Variants in POGLUT2 observed in about 807,000 individuals in gnomAD.
POGLUT2 encodes protein O-glucosyltransferase 2, also known as ER protein 58.
POGLUT2 carries 47 observed loss-of-function variants against 57.6 expected under a neutral mutation model. The observed-to-expected ratio is 0.82, with a 90% CI of 0.65 to 1.04. The LOEUF is 1.04. POGLUT2 is among the 50% of genes least tolerant of loss of function. The pLI is 0.00. For synonymous variants in POGLUT2, 200 were observed against 218.8 expected (o/e 0.91, Z 0.76); for missense variants, 565 against 614.8 (o/e 0.92, Z 0.86).
chr13:102,793,470 T>A lies in POGLUT2; in HGVS notation c.595-52A>T, dbSNP rs576494656. 3.7e-6 allele frequency: 5 copies of A among 1,348,048 alleles called. No individual in the cohort carries two copies. The South Asian group carries it at 5.9e-5, about 16-fold the overall frequency. The allele number at this position is 1,348,048 out of a possible 1,614,324, so 83.5% of individuals were successfully genotyped here. A position where few individuals can be genotyped will look rare whatever the true frequency, so the allele number is the denominator to read the frequency against. Reference sequence around the variant, plus strand: ...GTTAGTCTAAAGACGCTGGCAGACTTCACTGAGGAAAAGCTTGTCACAGTG... The same window carrying A: ...GTTAGTCTAAAGACGCTGGCAGACTACACTGAGGAAAAGCTTGTCACAGTG... On this transcript the variant is annotated intron_variant, in intron 3 of 9. Transcript: ENST00000376004.
rs867471579 is a variant in POGLUT2 at position 102,789,155 on chromosome 13, C to T, written c.1150G>A (p.Asp384Asn). Residue 384 changes from aspartate (D) to asparagine (N), a missense_variant, in exon 7 of 10, where the codon GAC becomes AAC. Coordinates refer to ENST00000376004, the MANE Select transcript of POGLUT2 (RefSeq NM_024089.3). The stretch of plus-strand genomic sequence containing the variant: ...GAATCCTGCTTCAGCACAACACTGT[C>T]ACCAACTAGCAAATATGGCAGGCGA... ...AYRLPYLLVG[D>N]SVVLKQDSIY... 7 of 1,614,042 alleles carry T rather than the reference C, an allele frequency of 4.3e-6. No individual in the cohort carries two copies. In the African/African-American group the frequency reaches 6.7e-5, roughly 15 times the overall value.
In POGLUT2 at chr13:102,791,347, C is replaced by G; in HGVS notation, c.756G>C (p.Pro252=). 2 of 1,612,916 alleles carry G rather than the reference C, an allele frequency of 1.2e-6. No individual in the cohort carries two copies. Among genetic ancestry groups the G allele is most frequent in the Non-Finnish European group, 8.5e-7 (1 of 1,179,730 alleles). Residue 252 remains proline (P), a synonymous_variant, in exon 5 of 10, where the codon CCG becomes CCC. Coordinates refer to ENST00000376004, the MANE Select transcript of POGLUT2 (RefSeq NM_024089.3). The part of the protein sequence containing the change: ...EKKKSNSNIH[P]IFSWCGSTDS... ...CTGTGGAGCCACACCAGGAAAAGAT[C>G]GGATGGATGTTTGAATTGGATTTCT... is the stretch of plus-strand genomic sequence containing the variant.
intron 9 of POGLUT2, among the ~76,000 whole-genome samples, chr13:102,785,023 G>C (rs1007180122): frequency 3.9e-5 from 6 of 152,162 alleles, no homozygotes; most frequent in Admixed American, 1.3e-4. Context: ...TTTATCATTG[G>C]TTTTAACTGA....
chr13:102,791,010 T>C lies in POGLUT2; in HGVS notation c.974A>G (p.Lys325Arg). 1 of 1,614,196 alleles carries C rather than the reference T, an allele frequency of 6.2e-7. No individual in the cohort carries two copies. The highest frequency in any genetic ancestry group is 8.5e-7 in the Non-Finnish European group (1 of 1,180,014). Residue 325 changes from lysine (K) to arginine (R), a missense_variant, in exon 6 of 10, where the codon AAA becomes AGA. Lys to Arg is a conservative substitution (Grantham distance 26). Coordinates refer to ENST00000376004, the MANE Select transcript of POGLUT2 (RefSeq NM_024089.3). ...AGCAGCGTCTATGAGTTCTGGGTGT[T>C]TTCTACTGAGTTTAACCAGCTCGAG... Reference protein sequence around the residue: ...ERLELVKLSRKHPELIDAAFT... With the variant: ...ERLELVKLSRRHPELIDAAFT...
At position 102,796,293 on chromosome 13, in the gene POGLUT2, C is replaced by CA. The variant is rs151064207; in HGVS notation, c.388+510dup. On this transcript the variant is annotated intron_variant, in intron 2 of 9. Transcript: ENST00000376004. ...CTTGTGACAGAGCGAGACTCTGCCT[C>CA]AAAAAAAAAAAAAAAAAAATAAATA... is the stretch of plus-strand genomic sequence containing the variant. Among the ~76,000 whole-genome samples the CA allele has an allele frequency of 6.5e-3, 657 of 100,628 alleles. 10 individuals carry two copies. Among genetic ancestry groups the CA allele is most frequent in the Middle Eastern group, 0.018 (3 of 170 alleles). 66.0% of individuals were successfully genotyped at this position (100,628 alleles called of 152,430 possible).
At chr13:102,790,320 C>A (rs1878118277) in intron 6 of POGLUT2, among the ~76,000 whole-genome samples, 1 of 152,146 alleles carries the variant, frequency 6.6e-6, no homozygotes, top group Admixed American at 6.5e-5. Flanking sequence ...CTCTCTCTAC[C>A]ATGGGGGACT....
chr13:102,791,131 G>A lies in POGLUT2; in HGVS notation c.853C>T (p.Leu285=). Residue 285 remains leucine, a synonymous_variant, in exon 6 of 10, where the codon CTG becomes TTG. Coordinates refer to ENST00000376004, the MANE Select transcript of POGLUT2 (RefSeq NM_024089.3). ...TTAGCTTGCACGGACATCATATCCA[G>A]ACTTACCCTAGAAGACAAAGTGCAA... ...SVLETMGRVS[L]DMMSVQANTG... 1 of 1,613,838 alleles carries A rather than the reference G, an allele frequency of 6.2e-7. No homozygotes were observed. The highest frequency in any genetic ancestry group is 8.5e-7 in the Non-Finnish European group (1 of 1,179,772).
intron 4 of POGLUT2, among the ~76,000 whole-genome samples, chr13:102,792,950 A>AT (rs937540684): frequency 6.6e-6 from 1 of 151,974 alleles, no homozygotes; most frequent in Non-Finnish European, 1.5e-5. Context: ...TAATTTTTGT[A>AT]TTTTTTGTAG....
chr13:102,786,124 A>G, intron 9 of POGLUT2, 108 bp downstream of exon 9: 1 of 725,138 alleles, frequency 1.4e-6, no homozygotes, highest in Non-Finnish European at 2.5e-6. Context: ...AGACCTCGAG[A>G]GGAACTCAAA....
chr13:102,797,065 A>G (rs1878428235), intron 1 of POGLUT2, 56 bp from the exon 2 acceptor site: 14 of 1,221,480 alleles, frequency 1.1e-5, no homozygotes, highest in African/African-American at 4.5e-5. Flanking sequence ...AAACACACAA[A>G]GGTTATGCTC....
Position 102,798,896 on chromosome 13 carries a change from T to A in POGLUT2, c.-226A>T. On this transcript the variant is annotated 5_prime_UTR_variant, in exon 1 of 10. Transcript: ENST00000376004. ...AGGTGAGGGTCCCCTGGCGTTCTGC[T>A]GTCCCGGCCGAGAACCGCGCTGCTC... 2 of 481,948 alleles carry A rather than the reference T, an allele frequency of 4.1e-6. No homozygotes were observed. Among genetic ancestry groups the A allele is most frequent in the Non-Finnish European group, 7.3e-6 (2 of 274,238 alleles). 29.9% of individuals were successfully genotyped at this position (481,948 alleles called of 1,614,324 possible).
At position 102,791,040 on chromosome 13, in the gene POGLUT2, T is replaced by C; in HGVS notation, c.944A>G (p.Glu315Gly). Residue 315 changes from glutamate to glycine, a missense_variant, in exon 6 of 10, where the codon GAG becomes GGG. Coordinates refer to ENST00000376004, the MANE Select transcript of POGLUT2 (RefSeq NM_024089.3). ...ACTGAGTTTAACCAGCTCGAGTCTC[T>C]CTTTGCGGCTGTCTCGCCCTCTCCA... ...AVWRGRDSRK[E>G]RLELVKLSRK... is the part of the protein sequence containing the mutation. The C allele has an allele frequency of 6.2e-7, 1 of 1,614,206 alleles. No homozygotes were observed. Among genetic ancestry groups the C allele is most frequent in the Non-Finnish European group, 8.5e-7 (1 of 1,180,024 alleles).
chr13:102,785,791 A>ATC (rs1380182681), intron 9 of POGLUT2, among the ~76,000 whole-genome samples: 1 of 152,256 alleles, frequency 6.6e-6, no homozygotes, highest in African/African-American at 2.4e-5. Context: ...ATGTAGTGGT[A>ATC]TCAACTGAGA....
Position 102,787,863 on chromosome 13 carries a change from T to C in POGLUT2, c.1354A>G (p.Ile452Val), listed in dbSNP as rs1360000719. ...AAAAGTTTGAAATAATAACAGAATA[T>C]GTCATCGCCCATGAGATTATTTCTT... ...FARNNLMGDD[I>V]FCYYFKLFQE... Residue 452 changes from isoleucine to valine, a missense_variant, in exon 8 of 10, where the codon ATA (isoleucine) becomes GTA (valine). Coordinates refer to ENST00000376004, the MANE Select transcript of POGLUT2 (RefSeq NM_024089.3). 6.3e-7 allele frequency: 1 copy of C among 1,592,198 alleles called. No individual in the cohort carries two copies. Among genetic ancestry groups the C allele is most frequent in the Non-Finnish European group, 8.6e-7 (1 of 1,164,988 alleles).
intron 6 of POGLUT2, among the ~76,000 whole-genome samples, chr13:102,789,771 T>C (rs1432929081): frequency 2.6e-5 from 4 of 152,192 alleles, no homozygotes; most frequent in Non-Finnish European, 5.9e-5. Flanking sequence ...CTAATTTTTG[T>C]ATTTTTAGTA....
intron 9 of POGLUT2, 79 bp downstream of exon 9, chr13:102,786,153 A>T (rs537322545): frequency 1.9e-5 from 17 of 874,890 alleles, no homozygotes; most frequent in Non-Finnish European, 3.0e-5. Flanking sequence ...GCCTGATTGA[A>T]TGACTATAGG....
At position 102,790,981 on chromosome 13, in the gene POGLUT2, T is replaced by C. The variant is rs1878143898; in HGVS notation, c.1003A>G (p.Thr335Ala). The C allele has an allele frequency of 6.2e-7, 1 of 1,614,176 alleles. No individual in the cohort carries two copies. Among genetic ancestry groups the C allele is most frequent in the Non-Finnish European group, 8.5e-7 (1 of 1,179,986 alleles). The change falls in exon 6 of 10, where the codon ACC (threonine) becomes GCC (alanine). Residue 335 changes from threonine (T) to alanine (A), a missense_variant. Physicochemically the swap from Thr to Ala is moderately conservative, Grantham distance 58. Transcript: ENST00000376004. ...KHPELIDAAF[T>A]NFFFFKHDEN... Reference sequence around the variant, plus strand: ...TCGTGTTTAAAGAAGAAAAAGTTGGTGAAAGCAGCGTCTATGAGTTCTGGG... The same window carrying C: ...TCGTGTTTAAAGAAGAAAAAGTTGGCGAAAGCAGCGTCTATGAGTTCTGGG...
At chr13:102,789,359 T>G in intron 6 of POGLUT2, 138 bp from the exon 7 acceptor site, 1 of 658,264 alleles carries the variant, frequency 1.5e-6, no homozygotes, top group Non-Finnish European at 2.6e-6. Flanking sequence ...CTTTGCCGTT[T>G]AGTAAGTGTT....
intron 2 of POGLUT2, among the ~76,000 whole-genome samples, chr13:102,795,717 T>C (rs1005003643): frequency 9.9e-5 from 15 of 152,144 alleles, no homozygotes; most frequent in Non-Finnish European, 1.8e-4. Flanking sequence ...TGGCTGACAA[T>C]GGAATATCTT....
Sources: gnomAD v4.1 joint callset for allele counts (sites outside exome capture counted in the v4.1 genomes callset) on GRCh38, gnomAD v4.1.1 for gene constraint, MANE v1.5 for transcripts, NCBI Gene and HGNC (gene_info 2026-07-23, HGNC 2026-07-21) for gene names.